The following RBFOX1 variants were observed in gnomAD, a reference collection of about 807,000 sequenced individuals.
RBFOX1 encodes RNA binding protein fox-1 homolog 1.
In RBFOX1, 8 loss-of-function variants were observed where a neutral mutation model predicts 57.7. That is an observed-to-expected ratio of 0.14 (90% CI 0.08 to 0.25). The LOEUF is 0.25. RBFOX1 is among the 10% of genes least tolerant of loss of function. RBFOX1 has a pLI of 1.00. For missense variants in RBFOX1, 611 were observed against 548.5 expected (o/e 1.11, Z -1.14); for synonymous variants, 326 against 222.4 (o/e 1.47, Z -4.15).
intron 1 of RBFOX1, among the ~76,000 whole-genome samples, chr16:5,258,884 C>A (rs1434896877): frequency 1.3e-5 from 2 of 151,924 alleles, no homozygotes; most frequent in African/African-American, 2.4e-5. Flanking sequence ...CCACTGCACA[C>A]CAGCCTGGGT....
chr16:7,454,333 G>T (rs1228883114), intron 4 of RBFOX1, among the ~76,000 whole-genome samples: 1 of 152,224 alleles, frequency 6.6e-6, no homozygotes, highest in East Asian at 1.9e-4. Flanking sequence ...TGGTGAAGTA[G>T]ATGGGGGTGG....
At chr16:5,757,577 A>G (rs1567500354) in intron 3 of RBFOX1, among the ~76,000 whole-genome samples, 1 of 152,098 alleles carries the variant, frequency 6.6e-6, no homozygotes, top group Non-Finnish European at 1.5e-5. Flanking sequence ...CATCATTTCA[A>G]CTGATAGGGT....
Position 6,930,312 on chromosome 16 carries a change from T to G in RBFOX1, c.-15-121745T>G, listed in dbSNP as rs188884472. Among the ~76,000 whole-genome samples the G allele has an allele frequency of 4.7e-3, 717 of 152,242 alleles. 10 individuals carry two copies. Among genetic ancestry groups the G allele is most frequent in the African/African-American group, 0.017 (691 of 41,554 alleles). On this transcript the variant is annotated intron_variant, in intron 3 of 15. Transcript: ENST00000550418. ...AAAAGATATATACAAATGGCCAATA[T>G]GCACATAAGAAGATACCTAACATCA...
At chr16:7,451,650 C>G (rs2098860387) in intron 4 of RBFOX1, among the ~76,000 whole-genome samples, 1 of 152,118 alleles carries the variant, frequency 6.6e-6, no homozygotes. Context: ...TTAAACCTAC[C>G]TGTCTTTAAA....
At chr16:5,630,270 A>C (rs2048464931) in intron 3 of RBFOX1, among the ~76,000 whole-genome samples, 1 of 152,154 alleles carries the variant, frequency 6.6e-6, no homozygotes, top group Non-Finnish European at 1.5e-5. Context: ...CAGCCTGGGC[A>C]ACATGGTGAA....
chr16:7,262,723 G>T (rs1003155484), intron 4 of RBFOX1, among the ~76,000 whole-genome samples: 18 of 152,268 alleles, frequency 1.2e-4, no homozygotes, highest in Non-Finnish European at 4.4e-5. Context: ...TATCACCAAG[G>T]AGAGGGCATC....
At chr16:6,770,397 A>G (rs970357961) in intron 3 of RBFOX1, among the ~76,000 whole-genome samples, 1 of 152,148 alleles carries the variant, frequency 6.6e-6, no homozygotes, top group African/African-American at 2.4e-5. Context: ...TTGGATTATT[A>G]TTATTTCTGT....
At chr16:5,326,404 G>C (rs767926411) in intron 1 of RBFOX1, among the ~76,000 whole-genome samples, 2 of 152,126 alleles carry the variant, frequency 1.3e-5, no homozygotes, top group Non-Finnish European at 2.9e-5. Flanking sequence ...CTACTATTTT[G>C]AGCCCCATCC....
chr16:7,416,728 GT>G (rs61388698), intron 4 of RBFOX1, among the ~76,000 whole-genome samples: 12,566 of 148,572 alleles, frequency 0.085, 1,273 homozygotes, highest in East Asian at 0.31. Context: ...CTTTAGGGAT[GT>G]TTTTTTTTCT....
intron 1 of RBFOX1, among the ~76,000 whole-genome samples, chr16:5,280,712 G>A (rs1035727121): frequency 2.0e-5 from 3 of 152,004 alleles, no homozygotes; most frequent in Admixed American, 6.6e-5. Flanking sequence ...TTTCCAATTT[G>A]TTAGCATATG....
chr16:5,434,973 T>C (rs1484006406), intron 1 of RBFOX1, among the ~76,000 whole-genome samples: 1 of 152,260 alleles, frequency 6.6e-6, no homozygotes, highest in Middle Eastern at 3.2e-3. Context: ...TTTCACATTA[T>C]CAAGGTTTAC....
intron 3 of RBFOX1, among the ~76,000 whole-genome samples, chr16:6,698,028 C>G (rs1453941928): frequency 6.6e-6 from 1 of 152,180 alleles, no homozygotes. Flanking sequence ...AGTAATTAAA[C>G]TAACTAGAAT....
chr16:6,798,839 CG>C (rs1567294190), intron 3 of RBFOX1, among the ~76,000 whole-genome samples: 2 of 152,036 alleles, frequency 1.3e-5, no homozygotes, highest in African/African-American at 2.4e-5. Flanking sequence ...TAGGATGCTT[CG>C]GGGAGTGTAA....
At chr16:5,745,482 G>C (rs1286321138) in intron 3 of RBFOX1, among the ~76,000 whole-genome samples, 1 of 152,196 alleles carries the variant, frequency 6.6e-6, no homozygotes, top group Non-Finnish European at 1.5e-5. Flanking sequence ...TGGGTCAAAT[G>C]ATATTTCTAG....
intron 4 of RBFOX1, among the ~76,000 whole-genome samples, chr16:7,215,154 T>C (rs6500932): frequency 0.63 from 96,148 of 151,866 alleles, 31,444 homozygotes; most frequent in African/African-American, 0.8. Context: ...TGAGAACATG[T>C]GGTGTTTGGT....
chr16:5,290,235 G>T (rs1450799193), intron 1 of RBFOX1, among the ~76,000 whole-genome samples: 2 of 152,128 alleles, frequency 1.3e-5, no homozygotes, highest in Non-Finnish European at 2.9e-5. Context: ...GGTGGCAGAC[G>T]CCTCTAATCC....
chr16:6,338,753 AC>A lies in RBFOX1; in HGVS notation c.-64+21697del, dbSNP rs201054261. 7.9e-3 allele frequency among the ~76,000 whole-genome samples: 1,205 copies of A among 152,344 alleles called. 12 individuals carry two copies. Among genetic ancestry groups the A allele is most frequent in the African/African-American group, 0.026 (1,063 of 41,576 alleles). On this transcript the variant is annotated intron_variant, in intron 2 of 15. Transcript: ENST00000550418. The stretch of plus-strand genomic sequence containing the variant: ...TCTTCAAAGAGTGCATGTTTAACCA[AC>A]TTCTCAAACCAGGTGACCATTATTA...
At chr16:7,388,590 A>G (rs902808712) in intron 4 of RBFOX1, among the ~76,000 whole-genome samples, 2 of 151,604 alleles carry the variant, frequency 1.3e-5, no homozygotes, top group Non-Finnish European at 2.9e-5. Flanking sequence ...TAGGGAGGAC[A>G]ACATGAGATA....
chr16:5,910,058 A>C (rs559529201), intron 4 of RBFOX1, among the ~76,000 whole-genome samples: 1 of 151,816 alleles, frequency 6.6e-6, no homozygotes, highest in Non-Finnish European at 1.5e-5. Flanking sequence ...AAAAACAAAC[A>C]AAAACAAAAA....
Sources: gnomAD v4.1 joint callset for allele counts (sites outside exome capture counted in the v4.1 genomes callset) on GRCh38, gnomAD v4.1.1 for gene constraint, MANE v1.5 for transcripts, NCBI Gene and HGNC (gene_info 2026-07-23, HGNC 2026-07-21) for gene names.